CSMD1: variants seen among roughly 807,000 people sequenced by gnomAD.
CSMD1 encodes the protein CUB and Sushi multiple domains 1, also known as CUB and sushi domain-containing protein 1.
Under a neutral mutation model 417.5 loss-of-function variants are expected in CSMD1, and 213 were observed. The ratio of observed to expected loss-of-function variants is 0.51; its 90% CI spans 0.46 to 0.57. CSMD1 has a LOEUF of 0.57. CSMD1 is among the 20% of genes least tolerant of loss of function. CSMD1 has a pLI of 0.00. For synonymous variants in CSMD1, 2,862 were observed against 1,736.8 expected (o/e 1.65, Z -16.11); for missense variants, 6,923 against 4,529.7 (o/e 1.53, Z -15.17).
intron 1 of CSMD1, among the ~76,000 whole-genome samples, chr8:4,988,541 C>G (rs911822030): frequency 6.6e-6 from 1 of 152,218 alleles, no homozygotes. Context: ...GACACTGACT[C>G]TAACTGAAGT....
intron 3 of CSMD1, among the ~76,000 whole-genome samples, chr8:4,178,230 C>G (rs539205457): frequency 1.3e-5 from 2 of 152,174 alleles, no homozygotes; most frequent in Admixed American, 6.5e-5. Context: ...AGCTAATCCA[C>G]TATCATCAAG....
intron 2 of CSMD1, among the ~76,000 whole-genome samples, chr8:4,439,858 A>C (rs1363012522): frequency 6.6e-6 from 1 of 152,228 alleles, no homozygotes. Flanking sequence ...TTCGAAAGAT[A>C]GGATGGTGTA....
At chr8:4,224,558 G>C (rs908904866) in intron 3 of CSMD1, among the ~76,000 whole-genome samples, 2 of 152,174 alleles carry the variant, frequency 1.3e-5, no homozygotes, top group African/African-American at 4.8e-5. Context: ...GGAAGAGGAA[G>C]TCCCACGGTG....
chr8:4,190,178 G>C (rs1267035848), intron 3 of CSMD1, among the ~76,000 whole-genome samples: 2 of 146,894 alleles, frequency 1.4e-5, no homozygotes, highest in African/African-American at 5.1e-5. Flanking sequence ...AGAATGGCGT[G>C]AACCTGGGAG....
At chr8:3,926,373 A>C (rs1441279969) in intron 5 of CSMD1, among the ~76,000 whole-genome samples, 2 of 149,546 alleles carry the variant, frequency 1.3e-5, no homozygotes, top group African/African-American at 4.9e-5. Context: ...TTTCACCAGA[A>C]ACAGGAGGGC....
At chr8:4,139,760 C>G (rs1803668228) in intron 3 of CSMD1, among the ~76,000 whole-genome samples, 1 of 151,050 alleles carries the variant, frequency 6.6e-6, no homozygotes, top group African/African-American at 2.5e-5. Flanking sequence ...CAGCAGGGCA[C>G]AATCACTTAG....
At chr8:4,283,527 A>G (rs767859030) in intron 3 of CSMD1, among the ~76,000 whole-genome samples, 15 of 152,226 alleles carry the variant, frequency 9.9e-5, no homozygotes, top group Admixed American at 3.3e-4. Flanking sequence ...ACTAAGGACA[A>G]TCATTTTATA....
chr8:3,739,277 T>C (rs564139575), intron 6 of CSMD1, among the ~76,000 whole-genome samples: 50 of 152,364 alleles, frequency 3.3e-4, no homozygotes, highest in African/African-American at 1.1e-3. Context: ...AAGCTGTAGA[T>C]TGTCTTTAGA....
chr8:3,109,269 GA>G (rs1319556164), intron 43 of CSMD1, among the ~76,000 whole-genome samples: 2 of 152,078 alleles, frequency 1.3e-5, no homozygotes, highest in Non-Finnish European at 2.9e-5. Context: ...GTCTCAAAAA[GA>G]AATAAATTAA....
chr8:3,182,612 G>C (rs1262175011), intron 36 of CSMD1, among the ~76,000 whole-genome samples: 1 of 60,026 alleles, frequency 1.7e-5, no homozygotes, highest in Non-Finnish European at 5.6e-5. Context: ...GTGTGTGTGT[G>C]TGTGTGTGTG....
At chr8:4,161,121 TAAA>T (rs56718091) in intron 3 of CSMD1, among the ~76,000 whole-genome samples, 1 of 148,740 alleles carries the variant, frequency 6.7e-6, no homozygotes, top group African/African-American at 2.5e-5. Context: ...ACAAATAATG[TAAA>T]AAAAAAAAAG....
At chr8:3,528,104 G>C (rs976631342) in intron 10 of CSMD1, among the ~76,000 whole-genome samples, 2 of 152,166 alleles carry the variant, frequency 1.3e-5, no homozygotes, top group African/African-American at 4.8e-5. Context: ...GGGAAATGAG[G>C]AATACTGGAA....
rs1276536630 is a variant in CSMD1 at position 3,956,931 on chromosome 8, T to G, written c.818+40972A>C. 3.9e-5 allele frequency among the ~76,000 whole-genome samples: 6 copies of G among 152,320 alleles called. No homozygotes were observed. The East Asian group carries it at 1.2e-3, about 29-fold the overall frequency. ...GCAAACACTAAAGGCTATTTTCATA[T>G]CTAAAAAGAATATTACTTTTTCTAT... On this transcript the variant is annotated intron_variant, in intron 5 of 69. Transcript: ENST00000635120.
At chr8:3,521,536 C>G (rs1354516607) in intron 10 of CSMD1, among the ~76,000 whole-genome samples, 1 of 152,146 alleles carries the variant, frequency 6.6e-6, no homozygotes, top group Non-Finnish European at 1.5e-5. Context: ...TATCTTATCT[C>G]ATCAGTAAAC....
chr8:4,617,526 C>T (rs867899132), intron 2 of CSMD1, among the ~76,000 whole-genome samples: 3 of 152,120 alleles, frequency 2.0e-5, no homozygotes, highest in African/African-American at 7.2e-5. Flanking sequence ...TATGAGGTTT[C>T]TGTCTGGATT....
chr8:4,634,458 G>A (rs983523557), intron 2 of CSMD1, among the ~76,000 whole-genome samples: 2 of 152,130 alleles, frequency 1.3e-5, no homozygotes, highest in African/African-American at 4.8e-5. Context: ...CAGAAAAACT[G>A]TTTTGGTATT....
At chr8:4,079,958 T>TA (rs1800040133) in intron 3 of CSMD1, among the ~76,000 whole-genome samples, 1 of 148,712 alleles carries the variant, frequency 6.7e-6, no homozygotes, top group South Asian at 2.1e-4. Context: ...AAAAATAATA[T>TA]AAAAAATAAT....
At chr8:4,763,059 G>A (rs989055067) in intron 1 of CSMD1, among the ~76,000 whole-genome samples, 2 of 152,108 alleles carry the variant, frequency 1.3e-5, no homozygotes, top group East Asian at 3.9e-4. Flanking sequence ...GGGTACAGCT[G>A]TAACATCCAG....
intron 5 of CSMD1, among the ~76,000 whole-genome samples, chr8:3,783,749 C>A (rs376069650): frequency 6.6e-6 from 1 of 152,144 alleles, no homozygotes; most frequent in Non-Finnish European, 1.5e-5. Context: ...TATTCAGATC[C>A]CCCTTTGCAT....
Sources: gnomAD v4.1 joint callset for allele counts (sites outside exome capture counted in the v4.1 genomes callset) on GRCh38, gnomAD v4.1.1 for gene constraint, MANE v1.5 for transcripts, NCBI Gene and HGNC (gene_info 2026-07-23, HGNC 2026-07-21) for gene names.